RIMS1: variants seen among roughly 807,000 people sequenced by gnomAD.
The protein encoded by RIMS1 is regulating synaptic membrane exocytosis 1, also known as regulating synaptic membrane exocytosis protein 1.
A neutral mutation model predicts 214.1 loss-of-function variants in RIMS1; 83 were observed. The observed-to-expected ratio is 0.39, with a 90% CI of 0.32 to 0.47. The LOEUF is 0.47. RIMS1 is among the 20% of genes least tolerant of loss of function. RIMS1 has a pLI of 0.99. For missense variants in RIMS1, 2,050 were observed against 2,161.8 expected (o/e 0.95, Z 1.03); for synonymous variants, 793 against 786.8 (o/e 1.01, Z -0.13).
At chr6:72,322,153 C>T (rs2096206457) in intron 28 of RIMS1, among the ~76,000 whole-genome samples, 1 of 152,102 alleles carries the variant, frequency 6.6e-6, no homozygotes, top group Non-Finnish European at 1.5e-5. Context: ...ATAAATGTCA[C>T]AGCCTTAAAA....
intron 1 of RIMS1, among the ~76,000 whole-genome samples, chr6:71,924,656 A>C (rs1007553882): frequency 2.6e-5 from 4 of 151,188 alleles, no homozygotes; most frequent in African/African-American, 4.9e-5. Flanking sequence ...AAATGCAGAA[A>C]ATTAGCTGAG....
intron 4 of RIMS1, among the ~76,000 whole-genome samples, chr6:72,122,193 T>C (rs991575939): frequency 2.8e-5 from 4 of 143,924 alleles, no homozygotes; most frequent in Admixed American, 2.2e-4. Flanking sequence ...GAGGATTCCC[T>C]CTTTTCCTTT....
intron 9 of RIMS1, among the ~76,000 whole-genome samples, chr6:72,238,286 T>A (rs1441048728): frequency 6.6e-6 from 1 of 152,040 alleles, no homozygotes; most frequent in Non-Finnish European, 1.5e-5. Flanking sequence ...AAATCTTATA[T>A]CACTATTTAG....
At chr6:71,971,685 G>A (rs1795900147) in intron 2 of RIMS1, among the ~76,000 whole-genome samples, 2 of 152,162 alleles carry the variant, frequency 1.3e-5, no homozygotes, top group South Asian at 4.1e-4. Flanking sequence ...GCTGGAAGGT[G>A]AAAGGCACAT....
intron 1 of RIMS1, among the ~76,000 whole-genome samples, chr6:71,904,175 A>G (rs907959575): frequency 6.6e-6 from 1 of 152,112 alleles, no homozygotes; most frequent in Admixed American, 6.6e-5. Flanking sequence ...CTCTGACCAC[A>G]CTAGTTTGAC....
intron 2 of RIMS1, among the ~76,000 whole-genome samples, chr6:71,980,592 C>A (rs777429018): frequency 6.6e-6 from 1 of 151,950 alleles, no homozygotes; most frequent in Non-Finnish European, 1.5e-5. Flanking sequence ...TGAAGGGAGA[C>A]ACCAAAGTAT....
chr6:72,330,889 T>G (rs2096634415), intron 28 of RIMS1, among the ~76,000 whole-genome samples: 1 of 151,696 alleles, frequency 6.6e-6, no homozygotes, highest in African/African-American at 2.4e-5. Flanking sequence ...ATAGACTGTT[T>G]AGGAAGCTAC....
At chr6:72,116,605 T>C (rs2037125860) in intron 4 of RIMS1, among the ~76,000 whole-genome samples, 1 of 151,998 alleles carries the variant, frequency 6.6e-6, no homozygotes, top group African/African-American at 2.4e-5. Flanking sequence ...CTGTAAAGGA[T>C]GAGAGAGTAA....
At chr6:72,165,075 G>T (rs1164573615) in intron 4 of RIMS1, among the ~76,000 whole-genome samples, 1 of 152,140 alleles carries the variant, frequency 6.6e-6, no homozygotes, top group Non-Finnish European at 1.5e-5. Context: ...TTCCTTCTAC[G>T]ACTCCAATTA....
chr6:72,003,332 G>C (rs1806012072), intron 2 of RIMS1, among the ~76,000 whole-genome samples: 1 of 151,848 alleles, frequency 6.6e-6, no homozygotes. Flanking sequence ...TATATTTCTT[G>C]GTATCCGATT....
intron 2 of RIMS1, among the ~76,000 whole-genome samples, chr6:72,057,361 G>A (rs552957751): frequency 1.1e-4 from 17 of 152,120 alleles, no homozygotes; most frequent in Non-Finnish European, 2.4e-4. Flanking sequence ...CTAACTAAAA[G>A]AGAATCATTA....
At chr6:72,320,533 A>T (rs1171132362) in intron 28 of RIMS1, among the ~76,000 whole-genome samples, 1 of 152,140 alleles carries the variant, frequency 6.6e-6, no homozygotes, top group African/African-American at 2.4e-5. Flanking sequence ...ACCTGTTTTT[A>T]AAATTCAGAT....
chr6:71,897,970 G>A (rs953469105), intron 1 of RIMS1, among the ~76,000 whole-genome samples: 1 of 152,130 alleles, frequency 6.6e-6, no homozygotes, highest in Non-Finnish European at 1.5e-5. Context: ...CAAGAAGTGA[G>A]TTGAGTGCTT....
At chr6:71,972,629 A>G (rs983567803) in intron 2 of RIMS1, among the ~76,000 whole-genome samples, 4 of 152,192 alleles carry the variant, frequency 2.6e-5, no homozygotes, top group African/African-American at 9.6e-5. Flanking sequence ...TCACTTAATC[A>G]AAGTAATAAA....
intron 2 of RIMS1, among the ~76,000 whole-genome samples, chr6:71,992,621 T>TTCTTCTTCC (rs934301684): frequency 2.0e-5 from 3 of 146,560 alleles, no homozygotes; most frequent in African/African-American, 7.4e-5. Flanking sequence ...CTTCTTCTTC[T>TTCTTCTTCC]TCTTCTTCCT....
At chr6:71,947,618 A>G (rs1788271738) in intron 1 of RIMS1, among the ~76,000 whole-genome samples, 1 of 152,066 alleles carries the variant, frequency 6.6e-6, no homozygotes, top group Non-Finnish European at 1.5e-5. Context: ...AGTTTAAGAG[A>G]TTTATATTAC....
intron 1 of RIMS1, among the ~76,000 whole-genome samples, chr6:71,942,298 T>G (rs1786403532): frequency 6.6e-6 from 1 of 152,208 alleles, no homozygotes; most frequent in East Asian, 1.9e-4. Context: ...AAAAATGAAC[T>G]GCTTAAATCC....
intron 26 of RIMS1, among the ~76,000 whole-genome samples, chr6:72,295,398 T>A (rs1258874646): frequency 6.6e-6 from 1 of 151,840 alleles, no homozygotes; most frequent in Non-Finnish European, 1.5e-5. Context: ...GTGGAAAATG[T>A]TACAGAATAG....
chr6:71,887,798 CAG>C (rs1582821707), intron 1 of RIMS1, among the ~76,000 whole-genome samples: 1 of 152,164 alleles, frequency 6.6e-6, no homozygotes, highest in South Asian at 2.1e-4. Context: ...ACCTTTTATT[CAG>C]AGTCTTCTAC....
Sources: allele counts gnomAD v4.1 joint callset (sites outside exome capture counted in the v4.1 genomes callset), GRCh38; gene constraint gnomAD v4.1.1; transcripts MANE v1.5; gene names NCBI Gene and HGNC (gene_info 2026-07-23, HGNC 2026-07-21).